The following KCNQ5 variants were observed in gnomAD, a reference collection of about 807,000 sequenced individuals.
KCNQ5 encodes potassium voltage-gated channel subfamily KQT member 5.
In KCNQ5, 30 loss-of-function variants were observed where a neutral mutation model predicts 98.2. The observed-to-expected ratio is 0.31, with a 90% CI of 0.23 to 0.41. KCNQ5 has a LOEUF of 0.41. Ranked by LOEUF, KCNQ5 falls within the 10% of genes least tolerant of loss-of-function variation. The pLI, the probability that KCNQ5 is intolerant of heterozygous loss-of-function variation, is 1.00. For synonymous variants in KCNQ5, 458 were observed against 449.4 expected, an observed-to-expected ratio of 1.02 and a Z score of -0.24; for missense variants, 835 against 1,182.5, an observed-to-expected ratio of 0.71 and a Z score of 4.31.
chr6:72,693,306 GA>G (rs1768306528), intron 1 of KCNQ5, among the ~76,000 whole-genome samples: 1 of 152,102 alleles, frequency 6.6e-6, no homozygotes, highest in African/African-American at 2.4e-5. Flanking sequence ...GTGTGTTTGG[GA>G]GCAAGATGTG....
intron 7 of KCNQ5, among the ~76,000 whole-genome samples, chr6:73,117,402 T>G (rs2150435077): frequency 6.6e-6 from 1 of 152,366 alleles, no homozygotes; most frequent in East Asian, 1.9e-4. Context: ...AAGGCATTTT[T>G]GGGAGATGAG....
At chr6:73,172,416 A>C (rs1411685133) in intron 11 of KCNQ5, among the ~76,000 whole-genome samples, 2 of 152,234 alleles carry the variant, frequency 1.3e-5, no homozygotes, top group Non-Finnish European at 2.9e-5. Context: ...ATTCTGTAAA[A>C]ACCTAATAGA....
chr6:72,993,969 C>T (rs1417103223), intron 1 of KCNQ5, among the ~76,000 whole-genome samples: 1 of 96,042 alleles, frequency 1.0e-5, no homozygotes, highest in East Asian at 3.1e-4. Flanking sequence ...AGTTAGGCTG[C>T]TCGGGGGTCA....
intron 4 of KCNQ5, 120 bp downstream of exon 4, chr6:73,077,617 T>G: frequency 7.6e-7 from 1 of 1,310,506 alleles, no homozygotes; most frequent in Non-Finnish European, 1.0e-6. Flanking sequence ...TTAAAACAAT[T>G]TTGGGACATG....
At chr6:72,642,074 G>T (rs745817417) in intron 1 of KCNQ5, among the ~76,000 whole-genome samples, 3 of 150,888 alleles carry the variant, frequency 2.0e-5, no homozygotes, top group Admixed American at 6.7e-5. Flanking sequence ...GGGGATGTAA[G>T]GCAGTAGAGG....
intron 1 of KCNQ5, among the ~76,000 whole-genome samples, chr6:72,757,989 G>A (rs188039376): frequency 1.3e-5 from 2 of 152,116 alleles, no homozygotes; most frequent in Non-Finnish European, 2.9e-5. Context: ...CATAGTATCT[G>A]CTCCCAAGTG....
intron 1 of KCNQ5, among the ~76,000 whole-genome samples, chr6:72,870,326 G>C (rs2150161543): frequency 6.6e-6 from 1 of 152,182 alleles, no homozygotes; most frequent in Non-Finnish European, 1.5e-5. Flanking sequence ...CTAGGCTGGA[G>C]TGCAGTGGCA....
At chr6:72,787,958 T>TCCAAAA (rs1251478528) in intron 1 of KCNQ5, among the ~76,000 whole-genome samples, 3 of 152,222 alleles carry the variant, frequency 2.0e-5, no homozygotes, top group Non-Finnish European at 4.4e-5. Flanking sequence ...TTTTTCTGTT[T>TCCAAAA]TGTTGTTTTC....
chr6:73,014,743 C>T (rs532517714), intron 2 of KCNQ5, among the ~76,000 whole-genome samples: 6 of 152,162 alleles, frequency 3.9e-5, no homozygotes, highest in African/African-American at 1.2e-4. Context: ...AGTGAAGCAT[C>T]CCCTTGGAAA....
At chr6:72,920,508 A>G (rs1020012038) in intron 1 of KCNQ5, among the ~76,000 whole-genome samples, 3 of 152,200 alleles carry the variant, frequency 2.0e-5, no homozygotes, top group African/African-American at 4.8e-5. Flanking sequence ...AGCTTGCTCT[A>G]TTATTAATAG....
At chr6:72,779,130 CTTGATCTTGTCTGT>C (rs1254306608) in intron 1 of KCNQ5, among the ~76,000 whole-genome samples, 1 of 152,128 alleles carries the variant, frequency 6.6e-6, no homozygotes, top group African/African-American at 2.4e-5. Context: ...GTGGGAGACT[CTTGATCTTGTCTGT>C]TTGATTTGGG....
At chr6:73,020,370 A>G (rs528433769) in intron 2 of KCNQ5, among the ~76,000 whole-genome samples, 1 of 152,244 alleles carries the variant, frequency 6.6e-6, no homozygotes, top group Admixed American at 6.6e-5. Context: ...CCAGCTTATT[A>G]TAAAGGATAT....
chr6:73,014,657 G>A (rs1211470161), intron 2 of KCNQ5, among the ~76,000 whole-genome samples: 1 of 152,028 alleles, frequency 6.6e-6, no homozygotes, highest in Non-Finnish European at 1.5e-5. Context: ...ACTCAATTTA[G>A]GCAGGTCTAA....
chr6:72,945,596 A>G (rs1477795797), intron 1 of KCNQ5, among the ~76,000 whole-genome samples: 1 of 151,830 alleles, frequency 6.6e-6, no homozygotes, highest in African/African-American at 2.4e-5. Context: ...CTGGGACTAC[A>G]AGTGCAGGCC....
At chr6:72,735,190 A>T (rs1236148618) in intron 1 of KCNQ5, among the ~76,000 whole-genome samples, 1 of 152,248 alleles carries the variant, frequency 6.6e-6, no homozygotes, top group Non-Finnish European at 1.5e-5. Context: ...ATTGATTATT[A>T]TAACCTATAT....
At chr6:73,136,196 T>A (rs1393030673) in intron 10 of KCNQ5, 2 of 152,222 alleles carry the variant, frequency 1.3e-5, no homozygotes, top group Admixed American at 1.3e-4. Context: ...TTGCAATGGA[T>A]CCATATTCTT....
At chr6:73,092,354 G>A (rs957411381) in intron 5 of KCNQ5, among the ~76,000 whole-genome samples, 22 of 152,132 alleles carry the variant, frequency 1.4e-4, no homozygotes, top group Middle Eastern at 3.4e-3. Flanking sequence ...TCTTTAATGA[G>A]TTGGATGCCC....
At chr6:73,130,021 C>T (rs1776160634) in intron 9 of KCNQ5, among the ~76,000 whole-genome samples, 1 of 152,156 alleles carries the variant, frequency 6.6e-6, no homozygotes, top group Admixed American at 6.5e-5. Context: ...TGCCTGTTGC[C>T]TGCTTTGATA....
chr6:73,084,854 A>G (rs1773917995), intron 5 of KCNQ5, among the ~76,000 whole-genome samples: 1 of 152,214 alleles, frequency 6.6e-6, no homozygotes, highest in African/African-American at 2.4e-5. Flanking sequence ...TACCAGTGAA[A>G]AGATTCATAA....
Sources: allele counts gnomAD v4.1 joint callset (sites outside exome capture counted in the v4.1 genomes callset), GRCh38; gene constraint gnomAD v4.1.1; transcripts MANE v1.5; gene names NCBI Gene and HGNC (gene_info 2026-07-23, HGNC 2026-07-21).